Variants in RBFOX1 observed in about 807,000 individuals in gnomAD.
RBFOX1 encodes RNA binding fox-1 homolog 1.
RBFOX1 carries 8 observed loss-of-function variants against 57.7 expected under a neutral mutation model. The observed-to-expected ratio is 0.14, with a 90% confidence interval of 0.08 to 0.25. The LOEUF is 0.25. Ranked by LOEUF, RBFOX1 falls within the 10% of genes least tolerant of loss-of-function variation. The pLI is 1.00. For missense variants in RBFOX1, 611 were observed against 548.5 expected, an observed-to-expected ratio of 1.11 and a Z score of -1.14; for synonymous variants, 326 against 222.4, an observed-to-expected ratio of 1.47 and a Z score of -4.15.
intron 3 of RBFOX1, among the ~76,000 whole-genome samples, chr16:6,872,690 T>A (rs1387663331): frequency 6.6e-6 from 1 of 152,184 alleles, no homozygotes; most frequent in Non-Finnish European, 1.5e-5. Flanking sequence ...AAAATTATAA[T>A]CCAGGGTAAG....
intron 1 of RBFOX1, among the ~76,000 whole-genome samples, chr16:6,162,670 A>G (rs1384177794): frequency 6.6e-6 from 1 of 152,176 alleles, no homozygotes; most frequent in East Asian, 1.9e-4. Flanking sequence ...TCATAATGTT[A>G]TATGTTACAA....
At chr16:5,665,335 C>A (rs1310624005) in intron 3 of RBFOX1, among the ~76,000 whole-genome samples, 1 of 152,106 alleles carries the variant, frequency 6.6e-6, no homozygotes, top group African/African-American at 2.4e-5. Context: ...TGTCTGGCTC[C>A]TTTTCCTCCT....
chr16:6,060,876 C>G (rs2095676649), intron 1 of RBFOX1, among the ~76,000 whole-genome samples: 1 of 152,208 alleles, frequency 6.6e-6, no homozygotes, highest in Non-Finnish European at 1.5e-5. Flanking sequence ...CTCCTTCTGT[C>G]TGTGCCATTA....
intron 2 of RBFOX1, among the ~76,000 whole-genome samples, chr16:6,476,216 C>G (rs2153087315): frequency 6.6e-6 from 1 of 152,264 alleles, no homozygotes; most frequent in Non-Finnish European, 1.5e-5. Flanking sequence ...CACCTATAAT[C>G]TCACTAGCAA....
intron 4 of RBFOX1, among the ~76,000 whole-genome samples, chr16:7,412,607 G>T (rs555788131): frequency 2.5e-4 from 38 of 152,238 alleles, no homozygotes; most frequent in African/African-American, 9.1e-4. Context: ...TGTTTATAGC[G>T]TTTCTCACTT....
At position 5,285,445 on chromosome 16, in the gene RBFOX1, C is replaced by T. The variant is rs140648698; in HGVS notation, c.219+45340C>T. On this transcript the variant is annotated intron_variant, in intron 1 of 2. Coordinates refer to the RBFOX1 transcript ENST00000585867. ...TCATTATTCTGAAAATTTTTTCAGG[C>T]ATTTCATAGATTTTCTTTTTATTGG... Among the ~76,000 whole-genome samples the T allele has an allele frequency of 9.1e-4, 139 of 152,202 alleles. 2 individuals carry two copies. The East Asian group carries it at 0.023, about 25-fold the overall frequency.
At chr16:5,886,470 C>A (rs1249565391) in intron 4 of RBFOX1, among the ~76,000 whole-genome samples, 2 of 152,140 alleles carry the variant, frequency 1.3e-5, no homozygotes, top group African/African-American at 4.8e-5. Flanking sequence ...TTGTGGAGAC[C>A]ATTTCTCCAT....
Position 7,189,554 on chromosome 16 carries a change from AACACAC to A in RBFOX1, c.27+137484_27+137489del, listed in dbSNP as rs779531861. On this transcript the variant is annotated intron_variant, in intron 4 of 15. Transcript: ENST00000550418. Reference sequence around the variant, plus strand: ...CACTCCAAAACACTATGTCCCCCAAAACACACACACACACACACACACACACACACA... The same window carrying A: ...CACTCCAAAACACTATGTCCCCCAAAACACACACACACACACACACACACA... 2.9e-3 allele frequency among the ~76,000 whole-genome samples: 389 copies of A among 135,868 alleles called. 2 individuals carry two copies. In the East Asian group the frequency reaches 0.035, roughly 12 times the overall value. The allele number at this position is 135,868 out of a possible 152,430, so 89.1% of individuals were successfully genotyped here.
At chr16:7,383,509 G>C (rs1223526419) in intron 4 of RBFOX1, among the ~76,000 whole-genome samples, 1 of 152,056 alleles carries the variant, frequency 6.6e-6, no homozygotes, top group African/African-American at 2.4e-5. Flanking sequence ...ATGAAACTTG[G>C]AATTCATCTT....
At chr16:5,333,754 T>G (rs2151280037) in intron 1 of RBFOX1, among the ~76,000 whole-genome samples, 1 of 152,338 alleles carries the variant, frequency 6.6e-6, no homozygotes, top group South Asian at 2.1e-4. Flanking sequence ...TATGGTGTAC[T>G]TATCACTCCT....
At chr16:5,416,815 C>G (rs180966709) in intron 1 of RBFOX1, among the ~76,000 whole-genome samples, 11 of 152,040 alleles carry the variant, frequency 7.2e-5, no homozygotes, top group African/African-American at 2.7e-4. Context: ...ATTGAAGTTA[C>G]TTGTTCTTAT....
chr16:5,779,452 C>G (rs1186885848), intron 3 of RBFOX1, among the ~76,000 whole-genome samples: 1 of 152,182 alleles, frequency 6.6e-6, no homozygotes, highest in Non-Finnish European at 1.5e-5. Context: ...TTCTTTCTGA[C>G]TGCATTATAT....
chr16:6,878,839 G>C (rs866537421), intron 3 of RBFOX1, among the ~76,000 whole-genome samples: 11 of 151,006 alleles, frequency 7.3e-5, no homozygotes, highest in African/African-American at 2.7e-4. Context: ...AAACCTATTT[G>C]AAGTTTTAAG....
At chr16:7,400,607 G>T (rs2098225150) in intron 4 of RBFOX1, among the ~76,000 whole-genome samples, 1 of 152,132 alleles carries the variant, frequency 6.6e-6, no homozygotes. Flanking sequence ...GGAAATAGGT[G>T]GTATTGCTCC....
intron 4 of RBFOX1, among the ~76,000 whole-genome samples, chr16:7,443,982 A>T (rs1050011429): frequency 4.6e-5 from 7 of 152,176 alleles, no homozygotes; most frequent in Admixed American, 3.9e-4. Context: ...TATCTTCAAG[A>T]GAAACTTCCA....
At chr16:5,914,513 C>T (rs2058667107) in intron 4 of RBFOX1, among the ~76,000 whole-genome samples, 1 of 152,126 alleles carries the variant, frequency 6.6e-6, no homozygotes, top group South Asian at 2.1e-4. Flanking sequence ...TGGCCAGCCT[C>T]AGTTCCCCAT....
chr16:6,072,947 A>G (rs1331893497), intron 1 of RBFOX1, among the ~76,000 whole-genome samples: 1 of 152,172 alleles, frequency 6.6e-6, no homozygotes, highest in Non-Finnish European at 1.5e-5. Context: ...TATACGTTAA[A>G]TATGTGCAGT....
chr16:6,794,598 C>G (rs754387672), intron 3 of RBFOX1, among the ~76,000 whole-genome samples: 5 of 152,188 alleles, frequency 3.3e-5, no homozygotes, highest in African/African-American at 1.2e-4. Flanking sequence ...ATTCAGTGAC[C>G]TACATATAAA....
chr16:7,235,746 T>G (rs188044271), intron 4 of RBFOX1, among the ~76,000 whole-genome samples: 163 of 152,338 alleles, frequency 1.1e-3, no homozygotes, highest in African/African-American at 3.6e-3. Flanking sequence ...TATTAAGGGT[T>G]GACCAAAAAT....
Sources: allele counts gnomAD v4.1 joint callset (sites outside exome capture counted in the v4.1 genomes callset), GRCh38; gene constraint gnomAD v4.1.1; transcripts MANE v1.5; gene names NCBI Gene and HGNC (gene_info 2026-07-23, HGNC 2026-07-21).